The following KALRN variants were observed in gnomAD, a reference collection of about 807,000 sequenced individuals.
KALRN encodes kalirin.
KALRN carries 70 observed loss-of-function variants against 353.7 expected under a neutral mutation model. The observed-to-expected ratio is 0.20, with a 90% CI of 0.16 to 0.24. KALRN has a LOEUF of 0.24. KALRN is among the 10% of genes least tolerant of loss of function. The pLI, the probability that KALRN is intolerant of heterozygous loss-of-function variation, is 1.00. For missense variants in KALRN, 2,791 were observed against 3,756.7 expected, an observed-to-expected ratio of 0.74 and a Z score of 6.72; for synonymous variants, 1,391 against 1,434.8, an observed-to-expected ratio of 0.97 and a Z score of 0.69.
chr3:124,327,469 A>C (rs1443694154), intron 7 of KALRN, among the ~76,000 whole-genome samples: 2 of 152,232 alleles, frequency 1.3e-5, no homozygotes, highest in Non-Finnish European at 2.9e-5. Flanking sequence ...TCAACTGGCT[A>C]CATTAAATAT....
At chr3:124,470,886 T>C (rs1476438537) in intron 25 of KALRN, among the ~76,000 whole-genome samples, 1 of 152,190 alleles carries the variant, frequency 6.6e-6, no homozygotes, top group African/African-American at 2.4e-5. Context: ...CTCAACATAT[T>C]ATAGGATTTT....
chr3:124,486,613 A>G (rs1278849503), intron 28 of KALRN, among the ~76,000 whole-genome samples: 5 of 152,190 alleles, frequency 3.3e-5, no homozygotes, highest in Non-Finnish European at 5.9e-5. Context: ...CACTAATTAG[A>G]TATCTTACCA....
chr3:124,553,179 G>A (rs1234590875), intron 33 of KALRN, among the ~76,000 whole-genome samples: 2 of 152,242 alleles, frequency 1.3e-5, no homozygotes, highest in African/African-American at 4.8e-5. Context: ...TATTAAGCAT[G>A]TAATGCATAT....
At chr3:124,144,801 G>A (rs1348794066) in intron 1 of KALRN, among the ~76,000 whole-genome samples, 1 of 152,096 alleles carries the variant, frequency 6.6e-6, no homozygotes, top group Non-Finnish European at 1.5e-5. Flanking sequence ...CAGTGTTCTT[G>A]GGCCTCTGTC....
chr3:124,261,032 T>C (rs1413178387), intron 3 of KALRN, among the ~76,000 whole-genome samples: 1 of 148,670 alleles, frequency 6.7e-6, no homozygotes, highest in Non-Finnish European at 1.5e-5. Context: ...TATAGTAACC[T>C]GAGCTTGGGT....
chr3:124,531,267 C>G (rs563642795), intron 33 of KALRN, among the ~76,000 whole-genome samples: 1 of 152,248 alleles, frequency 6.6e-6, no homozygotes, highest in Non-Finnish European at 1.5e-5. Context: ...GAATGACTAC[C>G]TTAGCAGTTA....
At chr3:124,398,662 C>G in intron 12 of KALRN, 35 bp from the exon 13 acceptor site, 1 of 1,611,462 alleles carries the variant, frequency 6.2e-7, no homozygotes, top group Non-Finnish European at 8.5e-7. Context: ...ATGGAAAGGC[C>G]TCTCCCTCCC....
Position 124,264,671 on chromosome 3 carries a change from G to A in KALRN, c.437G>A (p.Ser146Asn). The change falls in exon 4 of 60, where the codon AGC becomes AAC. Residue 146 changes from serine (S) to asparagine (N), a missense_variant. Coordinates refer to ENST00000682506, the MANE Select transcript of KALRN (RefSeq NM_001388419.1). ...FWQKQKTNFG[S>N]SKFIFETSMV... ...CAGAAACAGAAGACCAACTTTGGCA[G>A]CTCCAAATTCATCTTTGAGGTGAGC... is the stretch of plus-strand genomic sequence containing the variant. 1 of 1,614,150 alleles carries A rather than the reference G, an allele frequency of 6.2e-7. No individual in the cohort carries two copies. Among genetic ancestry groups the A allele is most frequent in the Non-Finnish European group, 8.5e-7 (1 of 1,179,986 alleles).
At chr3:124,065,287 G>T (rs1251956210) in intron 1 of KALRN, among the ~76,000 whole-genome samples, 2 of 152,164 alleles carry the variant, frequency 1.3e-5, no homozygotes, top group Non-Finnish European at 2.9e-5. Flanking sequence ...AGCAAGATGA[G>T]CCCGGCCCTG....
At chr3:124,275,717 C>G (rs9819643) in intron 5 of KALRN, among the ~76,000 whole-genome samples, 30,629 of 152,186 alleles carry the variant, frequency 0.2, 3,167 homozygotes, top group South Asian at 0.29. Context: ...CTGATGCTCT[C>G]TTCCAAATGA....
At chr3:124,142,530 T>C (rs1378122672) in intron 1 of KALRN, among the ~76,000 whole-genome samples, 2 of 152,172 alleles carry the variant, frequency 1.3e-5, no homozygotes, top group African/African-American at 2.4e-5. Flanking sequence ...CAGGCCTGGT[T>C]ACAGTACCTG....
rs1482804299 is a variant in KALRN, at chr3:124,398,805, C to G, written c.2280C>G (p.Phe760Leu). The change falls in exon 13 of 60, where the codon TTC becomes TTG. Residue 760 changes from phenylalanine to leucine, a missense_variant. Phe to Leu is a conservative substitution (Grantham distance 22). Coordinates refer to ENST00000682506, the MANE Select transcript of KALRN (RefSeq NM_001388419.1). ...DDAQVQMEEL[F>L]HERKIKLDIF... ...CCCAGGTGCAGATGGAGGAGCTGTT[C>G]CACGAGCGGAAGATCAAGCTGGACA... 6.2e-7 allele frequency: 1 copy of G among 1,614,158 alleles called. No individual in the cohort carries two copies. Among genetic ancestry groups the G allele is most frequent in the Admixed American group, 1.7e-5 (1 of 60,014 alleles).
intron 6 of KALRN, among the ~76,000 whole-genome samples, chr3:124,309,576 GA>G (rs1166500734): frequency 6.6e-6 from 1 of 151,610 alleles, no homozygotes; most frequent in Non-Finnish European, 1.5e-5. Flanking sequence ...CAAACAAAAA[GA>G]AACAAAATCC....
intron 1 of KALRN, among the ~76,000 whole-genome samples, chr3:124,097,925 C>T (rs188342599): frequency 5.3e-5 from 8 of 152,192 alleles, no homozygotes; most frequent in East Asian, 1.9e-4. Context: ...TGCTTATAGA[C>T]GTTGACTAAG....
chr3:124,237,739 A>G (rs2148614556), intron 3 of KALRN, among the ~76,000 whole-genome samples: 1 of 152,308 alleles, frequency 6.6e-6, no homozygotes, highest in African/African-American at 2.4e-5. Flanking sequence ...TATGCCAGGT[A>G]GATTGAGGAT....
intron 34 of KALRN, among the ~76,000 whole-genome samples, chr3:124,565,175 G>A (rs543379727): frequency 6.6e-6 from 1 of 152,186 alleles, no homozygotes; most frequent in Non-Finnish European, 1.5e-5. Flanking sequence ...AGCCTTCCAG[G>A]GTTTTTTCCA....
chr3:124,262,044 C>T (rs564668988), intron 3 of KALRN, among the ~76,000 whole-genome samples: 47 of 152,034 alleles, frequency 3.1e-4, no homozygotes, highest in African/African-American at 2.2e-4. Flanking sequence ...TTTAATAAAA[C>T]GGGCAAAGAT....
rs1263414132 is a variant in KALRN at position 124,725,039 on chromosome 3, TAAC to T, written c.*5572_*5574del. The T allele has an allele frequency of 1.3e-5, 2 of 152,312 alleles. No individual in the cohort carries two copies. The highest frequency in any genetic ancestry group is 4.8e-5 in the African/African-American group (2 of 41,576). 9.4% of individuals were successfully genotyped at this position (152,312 alleles called of 1,614,324 possible). ...GGAAGCATGGTAGAAGAAATGCAAATAACAATTCTTGGAATGCCAACTCCTGAG... is the reference window on the plus strand; with the variant it reads ...GGAAGCATGGTAGAAGAAATGCAAATAATTCTTGGAATGCCAACTCCTGAG... On this transcript the variant is annotated 3_prime_UTR_variant, in exon 60 of 60. Transcript: ENST00000682506.
intron 16 of KALRN, among the ~76,000 whole-genome samples, chr3:124,431,407 TC>T (rs1385249311): frequency 1.3e-5 from 2 of 152,240 alleles, no homozygotes; most frequent in African/African-American, 4.8e-5. Flanking sequence ...AAATAAAACT[TC>T]ATTTATGATA....
Sources: allele counts gnomAD v4.1 joint callset (sites outside exome capture counted in the v4.1 genomes callset), GRCh38; gene constraint gnomAD v4.1.1; transcripts MANE v1.5; gene names NCBI Gene and HGNC (gene_info 2026-07-23, HGNC 2026-07-21).